WDR70: variants seen among roughly 807,000 people sequenced by gnomAD.
WDR70 encodes the protein WD repeat-containing protein 70.
WDR70 carries 53 observed loss-of-function variants against 88.6 expected under a neutral mutation model. That is an observed-to-expected ratio of 0.60 (90% confidence interval 0.48 to 0.75). WDR70 has a LOEUF of 0.75. Among genes scored for constraint, WDR70 ranks in the 30% least tolerant of loss-of-function variants. The pLI is 0.00. For synonymous variants in WDR70, 280 were observed against 270.0 expected (o/e 1.04, Z -0.36); for missense variants, 610 against 823.2 (o/e 0.74, Z 3.17).
At chr5:37,744,683 C>CA (rs1345207562) in intron 17 of WDR70, among the ~76,000 whole-genome samples, 1 of 151,532 alleles carries the variant, frequency 6.6e-6, no homozygotes, top group East Asian at 2.0e-4. Flanking sequence ...GAAAGGATAT[C>CA]AGAGTTTGAA....
intron 5 of WDR70, among the ~76,000 whole-genome samples, chr5:37,411,984 A>T (rs1430066248): frequency 1.3e-5 from 2 of 151,902 alleles, no homozygotes; most frequent in African/African-American, 4.8e-5. Flanking sequence ...TTTATCTATA[A>T]TGGTAATAAA....
At chr5:37,507,115 C>T (rs888259048) in intron 8 of WDR70, among the ~76,000 whole-genome samples, 1 of 152,082 alleles carries the variant, frequency 6.6e-6, no homozygotes, top group African/African-American at 2.4e-5. Context: ...GGATGCTTTC[C>T]AACTTTTTTT....
chr5:37,392,965 C>T, intron 4 of WDR70, among the ~76,000 whole-genome samples: 1 of 151,038 alleles, frequency 6.6e-6, no homozygotes, highest in East Asian at 2.0e-4. Flanking sequence ...TTCTTTTTGG[C>T]AATGCAACAA....
intron 9 of WDR70, among the ~76,000 whole-genome samples, chr5:37,562,001 G>A (rs1182751628): frequency 1.3e-5 from 2 of 152,126 alleles, no homozygotes; most frequent in Non-Finnish European, 2.9e-5. Context: ...CATATGAGGA[G>A]GTGACACCAA....
intron 10 of WDR70, among the ~76,000 whole-genome samples, chr5:37,614,954 TAGAG>T (rs1292681468): frequency 9.2e-5 from 14 of 152,016 alleles, no homozygotes; most frequent in Admixed American, 2.0e-4. Context: ...TTGATACTCT[TAGAG>T]AGAAAATAGA....
intron 10 of WDR70, among the ~76,000 whole-genome samples, chr5:37,656,546 G>A (rs952177839): frequency 3.9e-5 from 6 of 152,220 alleles, no homozygotes; most frequent in Non-Finnish European, 7.3e-5. Flanking sequence ...TGCGCCCACA[G>A]CTGCCTCTTC....
At chr5:37,696,772 C>A (rs894968087) in intron 10 of WDR70, among the ~76,000 whole-genome samples, 3 of 152,128 alleles carry the variant, frequency 2.0e-5, no homozygotes, top group African/African-American at 7.2e-5. Flanking sequence ...TTCATATAGA[C>A]CACACTTTTT....
chr5:37,500,840 C>G (rs577818391), intron 8 of WDR70, among the ~76,000 whole-genome samples: 1 of 151,010 alleles, frequency 6.6e-6, no homozygotes, highest in East Asian at 2.0e-4. Flanking sequence ...ATTCTCCTGC[C>G]TCAGCCTCCC....
chr5:37,395,120 C>T (rs886916677), intron 4 of WDR70, among the ~76,000 whole-genome samples: 7 of 152,230 alleles, frequency 4.6e-5, no homozygotes, highest in African/African-American at 1.7e-4. Context: ...CACTTTTAAT[C>T]TTATCAAATA....
intron 9 of WDR70, among the ~76,000 whole-genome samples, chr5:37,553,630 TCAC>T (rs1348138822): frequency 6.6e-6 from 1 of 152,238 alleles, no homozygotes; most frequent in South Asian, 2.1e-4. Flanking sequence ...TATGTGCAAA[TCAC>T]CACCTTTATT....
intron 13 of WDR70, among the ~76,000 whole-genome samples, chr5:37,719,449 CT>C (rs1214158746): frequency 1.3e-5 from 2 of 150,290 alleles, no homozygotes; most frequent in African/African-American, 4.9e-5. Context: ...GTTTTATCAT[CT>C]TTTAGAACTT....
chr5:37,494,473 G>T (rs1176565830), intron 8 of WDR70, among the ~76,000 whole-genome samples: 2 of 152,104 alleles, frequency 1.3e-5, no homozygotes, highest in Non-Finnish European at 2.9e-5. Flanking sequence ...GAACGGGGGA[G>T]GTTATTTTGG....
intron 9 of WDR70, among the ~76,000 whole-genome samples, chr5:37,600,097 C>G (rs549906896): frequency 1.6e-4 from 24 of 152,112 alleles, no homozygotes; most frequent in African/African-American, 5.8e-4. Flanking sequence ...ATAAGTTGGA[C>G]TTCATCAAAA....
intron 10 of WDR70, among the ~76,000 whole-genome samples, chr5:37,646,251 G>A (rs1467138647): frequency 1.3e-5 from 2 of 152,046 alleles, no homozygotes; most frequent in African/African-American, 4.8e-5. Context: ...CAAACAAAGA[G>A]AAGACCAATA....
At chr5:37,384,660 C>CAAAAAAA (rs70978807) in intron 3 of WDR70, among the ~76,000 whole-genome samples, 1 of 59,470 alleles carries the variant, frequency 1.7e-5, no homozygotes, top group Non-Finnish European at 2.8e-5. Flanking sequence ...ACTCTTGTCT[C>CAAAAAAA]AAAAAAAAAA....
chr5:37,734,963 G>C (rs951988105), intron 17 of WDR70, among the ~76,000 whole-genome samples: 1 of 152,000 alleles, frequency 6.6e-6, no homozygotes, highest in Non-Finnish European at 1.5e-5. Context: ...TAAAAATTTT[G>C]TGTATTTTTC....
At position 37,697,695 on chromosome 5, in the gene WDR70, G is replaced by A. The variant is rs760932644; in HGVS notation, c.1133G>A (p.Gly378Asp). 3.1e-6 allele frequency: 5 copies of A among 1,613,742 alleles called. No homozygotes were observed. In the South Asian group the frequency reaches 4.4e-5, roughly 14 times the overall value. The change falls in exon 11 of 18, where the codon GGC becomes GAC. Residue 378 changes from glycine (G) to aspartate (D), a missense_variant. By Grantham distance (94) the Gly-to-Asp change is moderately conservative. Coordinates refer to ENST00000265107, the MANE Select transcript of WDR70 (RefSeq NM_018034.4). Reference protein sequence around the residue: ...KFHYKQAHDSGTDTSCVTFSY... With the variant: ...KFHYKQAHDSDTDTSCVTFSY... ...CACTATAAACAGGCTCATGACTCGGGCACAGACACTTCTTGCGTGACTTTT... is the reference window on the plus strand; with the variant it reads ...CACTATAAACAGGCTCATGACTCGGACACAGACACTTCTTGCGTGACTTTT...
At chr5:37,695,642 T>C (rs1384972795) in intron 10 of WDR70, among the ~76,000 whole-genome samples, 2 of 152,172 alleles carry the variant, frequency 1.3e-5, no homozygotes, top group East Asian at 1.9e-4. Context: ...GAAACACTTC[T>C]CATATCTCAA....
chr5:37,750,604 G>A (rs181414572), intron 17 of WDR70, among the ~76,000 whole-genome samples: 102 of 152,268 alleles, frequency 6.7e-4, no homozygotes, highest in African/African-American at 2.3e-3. Context: ...TCCCATAATT[G>A]TCACATCATG....
Sources: gnomAD v4.1 joint callset for allele counts (sites outside exome capture counted in the v4.1 genomes callset) on GRCh38, gnomAD v4.1.1 for gene constraint, MANE v1.5 for transcripts, NCBI Gene and HGNC (gene_info 2026-07-23, HGNC 2026-07-21) for gene names.